Variants in SOX5 observed in about 807,000 individuals in gnomAD.
SOX5 encodes the protein SRY-box transcription factor 5, also known as transcription factor SOX-5.
In SOX5, 9 loss-of-function variants were observed where a neutral mutation model predicts 92.0. The ratio of observed to expected loss-of-function variants is 0.10; its 90% CI spans 0.06 to 0.17. The LOEUF (loss-of-function observed/expected upper bound fraction) is 0.17, where lower values mean the gene tolerates loss of function less well. Among genes scored for constraint, SOX5 ranks in the 10% least tolerant of loss-of-function variants. The pLI is 1.00. For synonymous variants in SOX5, 344 were observed against 336.3 expected (o/e 1.02, Z -0.25); for missense variants, 642 against 944.5 (o/e 0.68, Z 4.20).
chr12:24,095,090 AACACACACACACAC>A (rs150030739), intron 4 of SOX5, among the ~76,000 whole-genome samples: 1 of 131,548 alleles, frequency 7.6e-6, no homozygotes, highest in African/African-American at 3.0e-5. Flanking sequence ...CTAGCCCCGA[AACACACACACACAC>A]ACACACACAC....
chr12:24,477,641 C>G (rs148646351), intron 1 of SOX5, among the ~76,000 whole-genome samples: 59 of 152,200 alleles, frequency 3.9e-4, no homozygotes, highest in African/African-American at 1.4e-3. Context: ...TAAGAAACTA[C>G]TTTTAAGGAA....
Position 23,872,418 on chromosome 12 carries a change from A to G in SOX5, c.270+23375T>C, listed in dbSNP as rs2096884946. 4.6e-5 allele frequency among the ~76,000 whole-genome samples: 7 copies of G among 152,112 alleles called. 1 individual carries two copies. In the South Asian group the frequency reaches 1.5e-3, roughly 32 times the overall value. On this transcript the variant is annotated intron_variant, in intron 2 of 14. Coordinates refer to ENST00000451604, the MANE Select transcript of SOX5 (RefSeq NM_006940.6). ...GCTTTCACCATCAATACTCAAAAAT[A>G]CAAGCACACATGTCACCAGACTGCT... is the stretch of plus-strand genomic sequence containing the variant.
At chr12:23,939,162 C>T (rs1278920254) in intron 1 of SOX5, among the ~76,000 whole-genome samples, 3 of 151,006 alleles carry the variant, frequency 2.0e-5, no homozygotes, top group Non-Finnish European at 4.5e-5. Flanking sequence ...GTGACTTATA[C>T]ATCACAAAGT....
intron 1 of SOX5, among the ~76,000 whole-genome samples, chr12:24,386,484 C>T (rs1260883913): frequency 6.6e-6 from 1 of 152,070 alleles, no homozygotes; most frequent in African/African-American, 2.4e-5. Context: ...AGGCCAGACG[C>T]TTCATGAAAA....
chr12:23,982,198 G>C (rs1474590681), intron 4 of SOX5, among the ~76,000 whole-genome samples: 2 of 152,112 alleles, frequency 1.3e-5, no homozygotes, highest in African/African-American at 4.8e-5. Flanking sequence ...TAAACTATCT[G>C]CTTATCATAA....
chr12:24,092,582 G>A (rs1944788846), intron 4 of SOX5, among the ~76,000 whole-genome samples: 1 of 152,120 alleles, frequency 6.6e-6, no homozygotes, highest in South Asian at 2.1e-4. Flanking sequence ...TAAGTCTTGG[G>A]TAGTAAATTG....
intron 3 of SOX5, among the ~76,000 whole-genome samples, chr12:24,264,646 T>A (rs116223478): frequency 0.022 from 3,385 of 152,304 alleles, 97 homozygotes; most frequent in African/African-American, 0.071. Flanking sequence ...AATTAAGGCA[T>A]TTGGTTACAA....
chr12:24,522,947 T>G (rs1950386009), intron 1 of SOX5, among the ~76,000 whole-genome samples: 1 of 151,842 alleles, frequency 6.6e-6, no homozygotes, highest in Admixed American at 6.6e-5. Flanking sequence ...AAAAAAGATA[T>G]CCAAATCAGA....
At chr12:24,307,964 ACTGT>A (rs1042917422) in intron 2 of SOX5, among the ~76,000 whole-genome samples, 9 of 152,016 alleles carry the variant, frequency 5.9e-5, no homozygotes, top group African/African-American at 1.9e-4. Flanking sequence ...CAATTGTTAC[ACTGT>A]CTGTCTAAAA....
At chr12:24,438,524 C>T (rs767561921) in intron 1 of SOX5, among the ~76,000 whole-genome samples, 2 of 151,970 alleles carry the variant, frequency 1.3e-5, no homozygotes, top group Non-Finnish European at 2.9e-5. Flanking sequence ...AATTGATAAC[C>T]TTCTGGAAAA....
In SOX5 at chr12:24,093,348, C is replaced by T. The variant is rs1243244316; in HGVS notation, c.-2+119995G>A. 1.3e-5 allele frequency among the ~76,000 whole-genome samples: 2 copies of T among 151,902 alleles called. 1 individual carries two copies. Among genetic ancestry groups the T allele is most frequent in the South Asian group, 4.2e-4 (2 of 4,798 alleles). On this transcript the variant is annotated intron_variant, in intron 4 of 4. Coordinates refer to the SOX5 transcript ENST00000446891. ...CATCCTGGCTAACACGGTGAAACCC[C>T]GTCTCTACTAAAAACACAAAAAAAA...
intron 4 of SOX5, among the ~76,000 whole-genome samples, chr12:24,134,845 C>A (rs570178261): frequency 6.6e-6 from 1 of 152,094 alleles, no homozygotes; most frequent in East Asian, 1.9e-4. Flanking sequence ...TTCTCCCAAC[C>A]GTTCATAATG....
At chr12:24,306,023 G>T (rs1948525149) in intron 2 of SOX5, among the ~76,000 whole-genome samples, 1 of 152,232 alleles carries the variant, frequency 6.6e-6, no homozygotes, top group South Asian at 2.1e-4. Flanking sequence ...CAAGGAACGT[G>T]AGGATCAGAA....
intron 8 of SOX5, among the ~76,000 whole-genome samples, chr12:23,627,846 A>G (rs2078033317): frequency 1.3e-5 from 2 of 152,032 alleles, no homozygotes; most frequent in Non-Finnish European, 1.5e-5. Flanking sequence ...GGAAAAAAAA[A>G]ACACCTCAAG....
chr12:23,952,024 T>A (rs1459451736), upstream of SOX5, among the ~76,000 whole-genome samples: 3 of 152,284 alleles, frequency 2.0e-5, no homozygotes, highest in African/African-American at 4.8e-5. Flanking sequence ...TTTTCTTCAT[T>A]TGTTAATGGT....
At chr12:24,233,268 TATA>T (rs748226118) in intron 3 of SOX5, among the ~76,000 whole-genome samples, 71 of 152,014 alleles carry the variant, frequency 4.7e-4, no homozygotes, top group Middle Eastern at 3.4e-3. Flanking sequence ...TCCTAACCAA[TATA>T]ATAATATGAA....
intron 11 of SOX5, among the ~76,000 whole-genome samples, chr12:23,553,182 G>A (rs561871638): frequency 4.9e-4 from 74 of 151,828 alleles, no homozygotes; most frequent in African/African-American, 1.7e-3. Context: ...TAAATTCAAG[G>A]AAGACATTTC....
intron 4 of SOX5, among the ~76,000 whole-genome samples, chr12:23,747,095 G>A (rs551891993): frequency 7.2e-4 from 109 of 152,046 alleles, no homozygotes; most frequent in African/African-American, 1.6e-3. Flanking sequence ...TATCAGCAGC[G>A]TGAAAACAGA....
intron 6 of SOX5, among the ~76,000 whole-genome samples, chr12:23,693,426 G>A (rs1402785422): frequency 6.6e-6 from 1 of 151,762 alleles, no homozygotes; most frequent in African/African-American, 2.4e-5. Flanking sequence ...ACCCAGCCCT[G>A]GTTTTATTTT....
Sources: gnomAD v4.1 joint callset for allele counts (sites outside exome capture counted in the v4.1 genomes callset) on GRCh38, gnomAD v4.1.1 for gene constraint, MANE v1.5 for transcripts, NCBI Gene and HGNC (gene_info 2026-07-23, HGNC 2026-07-21) for gene names.